The following SAMSN1 variants were observed in gnomAD, a reference collection of about 807,000 sequenced individuals.
The protein encoded by SAMSN1 is SAM domain, SH3 domain and nuclear localization signals 1.
SAMSN1 carries 31 observed loss-of-function variants against 42.0 expected under a neutral mutation model. The ratio of observed to expected loss-of-function variants is 0.74; its 90% CI spans 0.55 to 1.00. The LOEUF is 1.00. SAMSN1 is among the 50% of genes least tolerant of loss of function. SAMSN1 has a pLI of 0.00. For missense variants in SAMSN1, 464 were observed against 439.4 expected (o/e 1.06, Z -0.50); for synonymous variants, 178 against 151.9 (o/e 1.17, Z -1.26).
intron 2 of SAMSN1, among the ~76,000 whole-genome samples, chr21:14,520,299 CA>C (rs1978370677): frequency 1.3e-5 from 2 of 152,142 alleles, no homozygotes; most frequent in Non-Finnish European, 2.9e-5. Flanking sequence ...CTCTCCTTAA[CA>C]AATTTACAGT....
intron 1 of SAMSN1, among the ~76,000 whole-genome samples, chr21:14,539,073 C>A (rs1979827534): frequency 6.6e-6 from 1 of 152,140 alleles, no homozygotes; most frequent in Admixed American, 6.5e-5. Context: ...CTTCCATATT[C>A]TTTAACCTGG....
At chr21:14,574,506 C>T (rs187419224) in intron 2 of SAMSN1, among the ~76,000 whole-genome samples, 63 of 152,156 alleles carry the variant, frequency 4.1e-4, no homozygotes, top group African/African-American at 1.4e-3. Context: ...TCTTGGTTTC[C>T]ATAACAATTC....
At chr21:14,636,571 G>A (rs185436454) in intron 2 of SAMSN1, among the ~76,000 whole-genome samples, 49 of 152,298 alleles carry the variant, frequency 3.2e-4, no homozygotes, top group Non-Finnish European at 6.5e-4. Flanking sequence ...GGCCAGGCAT[G>A]GTGGCTCAAG....
chr21:14,626,675 G>T (rs1438043119), intron 2 of SAMSN1, among the ~76,000 whole-genome samples: 2 of 152,220 alleles, frequency 1.3e-5, no homozygotes, highest in African/African-American at 4.8e-5. Context: ...TTACACTGTT[G>T]GTGGGACTGT....
chr21:14,637,295 T>C (rs1450283544), intron 2 of SAMSN1, among the ~76,000 whole-genome samples: 1 of 152,216 alleles, frequency 6.6e-6, no homozygotes, highest in Non-Finnish European at 1.5e-5. Context: ...ACACATCAGA[T>C]TTCAAAGTGT....
chr21:14,558,988 T>G lies in SAMSN1; in HGVS notation c.261+23148A>C, dbSNP rs73161300. 3.8e-3 allele frequency among the ~76,000 whole-genome samples: 582 copies of G among 152,286 alleles called. 2 individuals carry two copies. The highest frequency in any genetic ancestry group is 0.01 in the African/African-American group (418 of 41,566). ...ACCCACGAGTTTTCCTGCAAAGCAT[T>G]CATTGAAATGAAATATCTCCTCACC... On this transcript the variant is annotated intron_variant, in intron 2 of 8. Transcript: ENST00000285670.
At chr21:14,642,602 A>G (rs1983622273) in intron 2 of SAMSN1, among the ~76,000 whole-genome samples, 1 of 152,184 alleles carries the variant, frequency 6.6e-6, no homozygotes, top group African/African-American at 2.4e-5. Context: ...CTCCCTCACA[A>G]CCACCACCTG....
At chr21:14,648,468 C>T (rs1983763420) in intron 1 of SAMSN1, among the ~76,000 whole-genome samples, 1 of 152,204 alleles carries the variant, frequency 6.6e-6, no homozygotes, top group African/African-American at 2.4e-5. Context: ...AAACTACCAT[C>T]AGAGTAAACA....
chr21:14,616,113 G>T, intron 2 of SAMSN1: 1 of 397,626 alleles, frequency 2.5e-6, no homozygotes, highest in Non-Finnish European at 4.7e-6. Flanking sequence ...TCATTTTCTA[G>T]TATAATCCAA....
chr21:14,519,790 A>C (rs1480297775), intron 2 of SAMSN1, among the ~76,000 whole-genome samples: 1 of 152,168 alleles, frequency 6.6e-6, no homozygotes, highest in Non-Finnish European at 1.5e-5. Context: ...AGGTTGCTGA[A>C]TCAGGTTCAA....
chr21:14,524,702 A>G (rs962525194), intron 1 of SAMSN1, among the ~76,000 whole-genome samples: 3 of 152,210 alleles, frequency 2.0e-5, no homozygotes, highest in Non-Finnish European at 4.4e-5. Flanking sequence ...TGTAAAGCCT[A>G]ATGTTCATCA....
chr21:14,585,556 T>A (rs1362613228), upstream of SAMSN1: 1 of 152,224 alleles, frequency 6.6e-6, no homozygotes, highest in African/African-American at 2.4e-5. Context: ...AGATCTCATG[T>A]CCTAGAGGTT....
At chr21:14,557,359 G>A (rs1231844345) in intron 2 of SAMSN1, among the ~76,000 whole-genome samples, 1 of 152,174 alleles carries the variant, frequency 6.6e-6, no homozygotes, top group Non-Finnish European at 1.5e-5. Context: ...CTGACACAGA[G>A]AGAGTCTTAA....
Position 14,513,734 on chromosome 21 carries a change from G to C in SAMSN1, c.280-1161C>G, listed in dbSNP as rs529712349. Among the ~76,000 whole-genome samples the C allele has an allele frequency of 2.0e-5, 3 of 152,274 alleles. No homozygotes were observed. In the East Asian group the frequency reaches 5.8e-4, roughly 29 times the overall value. On this transcript the variant is annotated intron_variant, in intron 3 of 7. Coordinates refer to ENST00000400566, the MANE Select transcript of SAMSN1 (RefSeq NM_022136.5). ...TATGCCCTGAATTATTGACCTAAAGGATAAGAAGATGTAACTTATGTGAAG... is the reference window on the plus strand; with the variant it reads ...TATGCCCTGAATTATTGACCTAAAGCATAAGAAGATGTAACTTATGTGAAG...
At chr21:14,488,168 A>G (rs964747936) in intron 7 of SAMSN1, among the ~76,000 whole-genome samples, 1 of 152,128 alleles carries the variant, frequency 6.6e-6, no homozygotes, top group Non-Finnish European at 1.5e-5. Flanking sequence ...GTGCTTTTGT[A>G]TGCATTCTGC....
chr21:14,498,873 G>A (rs1987019142), intron 6 of SAMSN1, among the ~76,000 whole-genome samples: 1 of 152,336 alleles, frequency 6.6e-6, no homozygotes, highest in South Asian at 2.1e-4. Context: ...GTTGGATCAT[G>A]CATCCCATTT....
At chr21:14,632,926 T>G (rs1983369507) in intron 2 of SAMSN1, among the ~76,000 whole-genome samples, 1 of 152,206 alleles carries the variant, frequency 6.6e-6, no homozygotes, top group Non-Finnish European at 1.5e-5. Context: ...ACATGGAATC[T>G]GGCTTCATTA....
intron 2 of SAMSN1, among the ~76,000 whole-genome samples, chr21:14,519,533 C>T (rs946504057): frequency 6.6e-5 from 10 of 151,808 alleles, no homozygotes; most frequent in African/African-American, 2.4e-4. Flanking sequence ...TATATGTGGC[C>T]AGGGGGAGAT....
upstream of SAMSN1, among the ~76,000 whole-genome samples, chr21:14,550,809 C>T (rs1980568996): frequency 6.6e-6 from 1 of 151,452 alleles, no homozygotes; most frequent in Admixed American, 6.6e-5. Flanking sequence ...GAAAAGAGAG[C>T]TTAGTGAGCT....
Sources: gnomAD v4.1 joint callset for allele counts (sites outside exome capture counted in the v4.1 genomes callset) on GRCh38, gnomAD v4.1.1 for gene constraint, MANE v1.5 for transcripts, NCBI Gene and HGNC (gene_info 2026-07-23, HGNC 2026-07-21) for gene names.